Variants in DLGAP2 observed in about 807,000 individuals in gnomAD.
DLGAP2 encodes the protein disks large-associated protein 2.
In DLGAP2, 26 loss-of-function variants were observed where a neutral mutation model predicts 100.3. The observed-to-expected ratio is 0.26, with a 90% CI of 0.19 to 0.36. The LOEUF (loss-of-function observed/expected upper bound fraction) is 0.36. Among genes scored for constraint, DLGAP2 ranks in the 10% least tolerant of loss-of-function variants. The pLI, the probability that DLGAP2 is intolerant of heterozygous loss-of-function variation, is 1.00. For missense variants in DLGAP2, 1,858 were observed against 1,453.2 expected (o/e 1.28, Z -4.53); for synonymous variants, 886 against 630.1 (o/e 1.41, Z -6.08).
At position 1,025,780 on chromosome 8, in the gene DLGAP2, A is replaced by C. The variant is rs867761645; in HGVS notation, c.73+117814A>C. Among the ~76,000 whole-genome samples the C allele has an allele frequency of 5.9e-5, 9 of 152,318 alleles. No individual in the cohort carries two copies. In the South Asian group the frequency reaches 1.7e-3, roughly 28 times the overall value. ...GGACCAGCCTAACGGGGGTTCTGAGAGACACGGTCGCAATGGCTCTGAGGC... is the reference window on the plus strand; with the variant it reads ...GGACCAGCCTAACGGGGGTTCTGAGCGACACGGTCGCAATGGCTCTGAGGC... On this transcript the variant is annotated intron_variant, in intron 2 of 14. Transcript: ENST00000637795.
At chr8:820,942 G>T (rs1186899429) in intron 1 of DLGAP2, among the ~76,000 whole-genome samples, 3 of 152,188 alleles carry the variant, frequency 2.0e-5, no homozygotes, top group African/African-American at 7.2e-5. Flanking sequence ...TTGAAGAGCA[G>T]AATGTGAATT....
intron 2 of DLGAP2, among the ~76,000 whole-genome samples, chr8:1,022,886 C>T (rs1024610404): frequency 1.3e-5 from 2 of 152,220 alleles, no homozygotes; most frequent in African/African-American, 4.8e-5. Flanking sequence ...AGAGTGTTGT[C>T]TTTGCACTGA....
intron 2 of DLGAP2, among the ~76,000 whole-genome samples, chr8:1,155,461 C>T (rs553943361): frequency 7.9e-5 from 12 of 152,224 alleles, no homozygotes; most frequent in African/African-American, 1.2e-4. Flanking sequence ...TTTTAGCAAC[C>T]TTAGAAAATT....
At chr8:1,374,298 G>A (rs955451956) in intron 3 of DLGAP2, among the ~76,000 whole-genome samples, 2 of 152,146 alleles carry the variant, frequency 1.3e-5, no homozygotes, top group Non-Finnish European at 2.9e-5. Context: ...TGGAGGTGGG[G>A]CCTTCTCCCT....
intron 8 of DLGAP2, among the ~76,000 whole-genome samples, chr8:1,655,636 C>T (rs539735487): frequency 1.2e-4 from 19 of 152,314 alleles, no homozygotes; most frequent in Admixed American, 9.1e-4. Context: ...TTCACATTTG[C>T]GATTCCTCAA....
chr8:1,482,036 T>C (rs1275900969), intron 3 of DLGAP2, among the ~76,000 whole-genome samples: 1 of 152,310 alleles, frequency 6.6e-6, no homozygotes, highest in South Asian at 2.1e-4. Context: ...GGAAAGTTGG[T>C]GATGTCTTCA....
chr8:861,470 A>G (rs1797389611), intron 1 of DLGAP2, among the ~76,000 whole-genome samples: 1 of 152,172 alleles, frequency 6.6e-6, no homozygotes, highest in Non-Finnish European at 1.5e-5. Flanking sequence ...AACAGAAACC[A>G]AGAGACCAAA....
chr8:1,010,467 C>A (rs1308643152), intron 2 of DLGAP2, among the ~76,000 whole-genome samples: 2 of 152,228 alleles, frequency 1.3e-5, no homozygotes, highest in African/African-American at 4.8e-5. Context: ...TATGTGTGCA[C>A]ACATGTGCAC....
chr8:1,134,365 G>A (rs149050187), intron 2 of DLGAP2, among the ~76,000 whole-genome samples: 2 of 152,138 alleles, frequency 1.3e-5, no homozygotes. Flanking sequence ...GGGATTGCTT[G>A]GTGCAATGGT....
chr8:779,756 T>C (rs1821637051), intron 1 of DLGAP2, among the ~76,000 whole-genome samples: 2 of 152,330 alleles, frequency 1.3e-5, no homozygotes, highest in South Asian at 4.1e-4. Context: ...GGAATATCTG[T>C]AGCAGGGCCA....
At chr8:1,592,094 G>C (rs557144024) in intron 6 of DLGAP2, among the ~76,000 whole-genome samples, 2 of 152,286 alleles carry the variant, frequency 1.3e-5, no homozygotes, top group South Asian at 2.1e-4. Context: ...GTTGGGCCCA[G>C]ACACACAAAC....
intron 3 of DLGAP2, among the ~76,000 whole-genome samples, chr8:1,388,948 G>T (rs1389752542): frequency 3.5e-5 from 5 of 141,694 alleles, no homozygotes; most frequent in Admixed American, 6.9e-5. Flanking sequence ...AAGTGTCAGG[G>T]CTGTGAGAGG....
intron 6 of DLGAP2, among the ~76,000 whole-genome samples, chr8:1,615,975 G>C (rs993821702): frequency 3.3e-5 from 5 of 152,164 alleles, no homozygotes; most frequent in African/African-American, 1.2e-4. Flanking sequence ...TCTTATGAAT[G>C]ATATAAAAAT....
At chr8:1,233,271 C>T (rs1026265087) in intron 2 of DLGAP2, among the ~76,000 whole-genome samples, 4 of 152,226 alleles carry the variant, frequency 2.6e-5, no homozygotes, top group Non-Finnish European at 4.4e-5. Context: ...TGTGAGCATC[C>T]TGGATGCATT....
chr8:1,198,143 T>C (rs1410953503), intron 2 of DLGAP2, among the ~76,000 whole-genome samples: 1 of 151,970 alleles, frequency 6.6e-6, no homozygotes, highest in African/African-American at 2.4e-5. Flanking sequence ...TGTGTGGACG[T>C]AGACTCCCAC....
At chr8:1,572,681 G>T (rs1487170771) in intron 6 of DLGAP2, among the ~76,000 whole-genome samples, 1 of 123,132 alleles carries the variant, frequency 8.1e-6, no homozygotes, top group Non-Finnish European at 1.7e-5. Flanking sequence ...GGGATGGAGA[G>T]GAGAGAGGGT....
At chr8:1,212,007 T>C (rs564436472) in intron 2 of DLGAP2, among the ~76,000 whole-genome samples, 1 of 152,366 alleles carries the variant, frequency 6.6e-6, no homozygotes, top group East Asian at 1.9e-4. Flanking sequence ...CTCTTGGTTC[T>C]TGGTCCTTCA....
chr8:1,601,398 G>C (rs568937805), intron 6 of DLGAP2, among the ~76,000 whole-genome samples: 1 of 152,216 alleles, frequency 6.6e-6, no homozygotes, highest in Non-Finnish European at 1.5e-5. Context: ...GAGCTCGAGC[G>C]CTGTGCTGGG....
chr8:1,169,653 G>A (rs1327947904), intron 2 of DLGAP2, among the ~76,000 whole-genome samples: 2 of 152,050 alleles, frequency 1.3e-5, no homozygotes, highest in South Asian at 4.2e-4. Flanking sequence ...AATTGTGAAT[G>A]GGAGTTCACT....
Sources: allele counts gnomAD v4.1 joint callset (sites outside exome capture counted in the v4.1 genomes callset), GRCh38; gene constraint gnomAD v4.1.1; transcripts MANE v1.5; gene names NCBI Gene and HGNC (gene_info 2026-07-23, HGNC 2026-07-21).